YPEL3: variants seen among roughly 807,000 people sequenced by gnomAD.
YPEL3 encodes the protein protein yippee-like 3.
In YPEL3, 5 loss-of-function variants were observed where a neutral mutation model predicts 17.5. The ratio of observed to expected loss-of-function variants is 0.29; its 90% CI spans 0.15 to 0.60. YPEL3 has a LOEUF of 0.60. YPEL3 is among the 20% of genes least tolerant of loss of function. YPEL3 has a pLI of 0.87. For missense variants in YPEL3, 155 were observed against 211.4 expected, an observed-to-expected ratio of 0.73 and a Z score of 1.65; for synonymous variants, 87 against 87.2, an observed-to-expected ratio of 1.00 and a Z score of 0.01.
In YPEL3 at chr16:30,092,694, G is replaced by T; in HGVS notation, c.*16C>A. ...GCCAGGCCGGGCTGGAGCCACATGC[G>T]TCGGGGGAGCGGGGGTCAGTCCCAG... is the stretch of plus-strand genomic sequence containing the variant. On this transcript the variant is annotated 3_prime_UTR_variant, in exon 4 of 4. Transcript: ENST00000398841. 1 of 1,613,412 alleles carries T rather than the reference G, an allele frequency of 6.2e-7. No homozygotes were observed. Among genetic ancestry groups the T allele is most frequent in the Non-Finnish European group, 8.5e-7 (1 of 1,179,538 alleles).
chr16:30,094,917 T>C lies in YPEL3; in HGVS notation c.276-20A>G. 3.7e-6 allele frequency: 6 copies of C among 1,607,950 alleles called. No homozygotes were observed. The highest frequency in any genetic ancestry group is 5.1e-6 in the Non-Finnish European group (6 of 1,176,130). Reference sequence around the variant, plus strand: ...TTCACCCTGTGGGGACATGGGGTAGTCCCAGGGAGGGTCCTGCCATCACAG... The same window carrying C: ...TTCACCCTGTGGGGACATGGGGTAGCCCCAGGGAGGGTCCTGCCATCACAG... On this transcript the variant is annotated intron_variant, in intron 2 of 3. Coordinates refer to ENST00000398841, the MANE Select transcript of YPEL3 (RefSeq NM_031477.5).
Position 30,092,745 on chromosome 16 carries a change from G to C in YPEL3, c.439C>G (p.Leu147Val). Reference protein sequence around the residue: ...KYKEGKYIIELNHMIKDNGWD With the variant: ...KYKEGKYIIEVNHMIKDNGWD ...CCGTTGTCTTTGATCATGTGGTTGA[G>C]TTCAATGATGTACTTCCCCTCTTTG... The change falls in exon 4 of 4, where the codon CTC becomes GTC. Residue 147 changes from leucine (L) to valine (V), a missense_variant. By Grantham distance (32) the Leu-to-Val change is conservative (BLOSUM62 1). Coordinates refer to ENST00000398841, the MANE Select transcript of YPEL3 (RefSeq NM_031477.5). 6.2e-7 allele frequency: 1 copy of C among 1,614,210 alleles called. No individual in the cohort carries two copies. The highest frequency in any genetic ancestry group is 8.5e-7 in the Non-Finnish European group (1 of 1,180,014).
At position 30,092,680 on chromosome 16, in the gene YPEL3, C is replaced by CT; in HGVS notation, c.*29dup. On this transcript the variant is annotated 3_prime_UTR_variant, in exon 4 of 4. Coordinates refer to ENST00000398841, the MANE Select transcript of YPEL3 (RefSeq NM_031477.5). ...GGCGCTCCCTGGCGGCCAGGCCGGG[C>CT]TGGAGCCACATGCGTCGGGGGAGCG... 1.2e-6 allele frequency: 2 copies of CT among 1,611,892 alleles called. No homozygotes were observed. The highest frequency in any genetic ancestry group is 1.7e-6 in the Non-Finnish European group (2 of 1,178,524).
intron 3 of YPEL3, 135 bp downstream of exon 3, chr16:30,094,654 G>C (rs1034309911): frequency 2.4e-6 from 2 of 819,866 alleles, no homozygotes; most frequent in African/African-American, 3.4e-5. Flanking sequence ...AAGATAAAGA[G>C]AATGTGGTCA....
In YPEL3 at chr16:30,095,029, G is replaced by A; in HGVS notation, c.275+74C>T. 1.9e-6 allele frequency: 3 copies of A among 1,606,692 alleles called. No homozygotes were observed. The highest frequency in any genetic ancestry group is 2.2e-5 in the South Asian group (2 of 90,820). On this transcript the variant is annotated intron_variant, in intron 2 of 3. Transcript: ENST00000398841. This position sits in a 1 kb window ranked among gnomAD's most constrained non-coding sequence, Gnocchi z 5.4. ...CTGCCTGCACCGGGGAACTCTGGGA[G>A]TCTCAGCAGGATGCCAGGGGTCACA...
At chr16:30,094,531 A>T (rs2072772386) in intron 3 of YPEL3, 2 of 518,058 alleles carry the variant, frequency 3.9e-6, no homozygotes, top group Non-Finnish European at 7.0e-6. Flanking sequence ...CAAGGCACAT[A>T]AACATTCCAT....
chr16:30,093,952 A>C (rs1030266741), intron 3 of YPEL3: 2 of 152,352 alleles, frequency 1.3e-5, no homozygotes, highest in African/African-American at 4.8e-5. Flanking sequence ...CACACAGCCA[A>C]TCTGTGGCAG....
At chr16:30,093,589 T>C (rs1475430215) in intron 3 of YPEL3, among the ~76,000 whole-genome samples, 1 of 151,756 alleles carries the variant, frequency 6.6e-6, no homozygotes, top group African/African-American at 2.4e-5. Context: ...ACCTCTTGTT[T>C]AGGCCAGCTC....
rs1262436564 is a variant in YPEL3, at chr16:30,095,627, C to T, written c.-145G>A. 1 of 713,006 alleles carries T rather than the reference C, an allele frequency of 1.4e-6. No homozygotes were observed. The highest frequency in any genetic ancestry group is 1.8e-5 in the African/African-American group (1 of 56,172). 44.2% of individuals were successfully genotyped at this position (713,006 alleles called of 1,614,324 possible). ...GCCTCAGGTTGCATCCATGGGGAAA[C>T]TGAGGCTCGGAGGTGCCCAGGGTGA... On this transcript the variant is annotated 5_prime_UTR_variant, in exon 1 of 4. Coordinates refer to ENST00000398841, the MANE Select transcript of YPEL3 (RefSeq NM_031477.5). The surrounding 1 kb of genome is among the most constrained non-coding windows in gnomAD (Gnocchi z 5.4).
intron 3 of YPEL3, 38 bp from the exon 4 acceptor site, chr16:30,092,837 A>C (rs753990459): frequency 2.5e-6 from 4 of 1,585,440 alleles, no homozygotes; most frequent in Admixed American, 1.7e-5. Flanking sequence ...CCGGAGCAAC[A>C]GTCTCACCAC....
chr16:30,094,926 G>C lies in YPEL3; in HGVS notation c.276-29C>G, dbSNP rs187807194. 2.7e-3 allele frequency: 4,373 copies of C among 1,606,500 alleles called. 11 individuals carry two copies. The highest frequency in any genetic ancestry group is 3.1e-3 in the Non-Finnish European group (3,643 of 1,175,252). On this transcript the variant is annotated intron_variant, in intron 2 of 3. Transcript: ENST00000398841. ...TGGGGACATGGGGTAGTCCCAGGGA[G>C]GGTCCTGCCATCACAGGGCCCACCC...
Position 30,092,769 on chromosome 16 carries a change from T to G in YPEL3, c.415A>C (p.Lys139Gln), listed in dbSNP as rs2072747163. The change falls in exon 4 of 4, where the codon AAA (lysine) becomes CAA (glutamine). Residue 139 changes from lysine (K) to glutamine (Q), a missense_variant. This residue lies in a region of YPEL3 where 74 missense variants were observed against 134.9 expected (regional missense o/e 0.55). Transcript: ENST00000398841. ...EQAFESSQKY[K>Q]EGKYIIELNH... The stretch of plus-strand genomic sequence containing the variant: ...AGTTCAATGATGTACTTCCCCTCTT[T>G]GTACTTCTGGCTGCTCTCAAAGGCC... 1 of 1,614,036 alleles carries G rather than the reference T, an allele frequency of 6.2e-7. No individual in the cohort carries two copies. Among genetic ancestry groups the G allele is most frequent in the African/African-American group, 1.3e-5 (1 of 74,926 alleles).
rs1402635000 is a variant in YPEL3, at chr16:30,095,185, G to A, written c.232-39C>T. Reference sequence around the variant, plus strand: ...GGGTGGGAAGAGAGGAGGGGGTCAGGGCTGCCGGTGGGGAGCTGCCAGGCA... The same window carrying A: ...GGGTGGGAAGAGAGGAGGGGGTCAGAGCTGCCGGTGGGGAGCTGCCAGGCA... On this transcript the variant is annotated intron_variant, in intron 1 of 3. Coordinates refer to ENST00000398841, the MANE Select transcript of YPEL3 (RefSeq NM_031477.5). The surrounding 1 kb of genome is among the most constrained non-coding windows in gnomAD (Gnocchi z 5.4). 1.9e-6 allele frequency: 3 copies of A among 1,614,026 alleles called. No individual in the cohort carries two copies. The highest frequency in any genetic ancestry group is 1.3e-5 in the African/African-American group (1 of 74,932).
intron 3 of YPEL3, among the ~76,000 whole-genome samples, 193 bp from the exon 4 acceptor site, chr16:30,092,992 G>C (rs992264911): frequency 3.3e-5 from 5 of 152,186 alleles, no homozygotes; most frequent in Admixed American, 6.5e-5. Flanking sequence ...AAGTACTAAT[G>C]ATGGCTCCAA....
At position 30,093,195 on chromosome 16, in the gene YPEL3, C is replaced by T. The variant is rs560960066; in HGVS notation, c.385-396G>A. Reference sequence around the variant, plus strand: ...GCCCAGCCTGCCCCCAACTCCCAACCCTGCCAATCTATGCTACCCTTTACA... The same window carrying T: ...GCCCAGCCTGCCCCCAACTCCCAACTCTGCCAATCTATGCTACCCTTTACA... On this transcript the variant is annotated intron_variant, in intron 3 of 3. Transcript: ENST00000398841. Among the ~76,000 whole-genome samples the T allele has an allele frequency of 4.6e-5, 7 of 152,332 alleles. No homozygotes were observed. The East Asian group carries it at 1.2e-3, about 25-fold the overall frequency.
At chr16:30,093,262 TTTTG>T (rs1442563060) in intron 3 of YPEL3, among the ~76,000 whole-genome samples, 5 of 152,170 alleles carry the variant, frequency 3.3e-5, no homozygotes, top group African/African-American at 1.2e-4. Flanking sequence ...CTTGAGGTTT[TTTTG>T]TTTGTTTGGT....
At chr16:30,094,731 A>G (rs1294334539) in intron 3 of YPEL3, 58 bp downstream of exon 3, 1 of 1,479,674 alleles carries the variant, frequency 6.8e-7, no homozygotes, top group Non-Finnish European at 9.5e-7. Context: ...GCTTGTCAGG[A>G]GGAGGTGTTG....
Position 30,092,338 on chromosome 16 carries a change from T to A in YPEL3, c.*372A>T, listed in dbSNP as rs549009773. 9.0e-6 allele frequency: 2 copies of A among 221,814 alleles called. No homozygotes were observed. The highest frequency in any genetic ancestry group is 1.5e-4 in the South Asian group (2 of 12,972). The allele number at this position is 221,814 out of a possible 1,614,324, so 13.7% of individuals were successfully genotyped here. Reference sequence around the variant, plus strand: ...CTGTCTCCACTCCATTGTTTTATTATGTACAAACGCTACAGAACGAGGGGG... The same window carrying A: ...CTGTCTCCACTCCATTGTTTTATTAAGTACAAACGCTACAGAACGAGGGGG... On this transcript the variant is annotated 3_prime_UTR_variant, in exon 4 of 4. Coordinates refer to ENST00000398841, the MANE Select transcript of YPEL3 (RefSeq NM_031477.5).
Position 30,092,717 on chromosome 16 carries a change from C to T in YPEL3, c.467G>A (p.Trp156Ter). Residue 156 changes from tryptophan to a stop codon, truncating the protein, a stop_gained, in exon 4 of 4, where the codon TGG becomes TAG. Transcript: ENST00000398841. LOFTEE classifies it high-confidence loss of function. ...GCGTCGGGGGAGCGGGGGTCAGTCCCAGCCGTTGTCTTTGATCATGTGGTT... is the reference window on the plus strand; with the variant it reads ...GCGTCGGGGGAGCGGGGGTCAGTCCTAGCCGTTGTCTTTGATCATGTGGTT... The part of the protein sequence containing the change: ...ELNHMIKDNG[W>*]D The T allele has an allele frequency of 6.2e-7, 1 of 1,614,182 alleles. No homozygotes were observed. Among genetic ancestry groups the T allele is most frequent in the Non-Finnish European group, 8.5e-7 (1 of 1,180,024 alleles).
Sources: gnomAD v4.1 joint callset for allele counts (sites outside exome capture counted in the v4.1 genomes callset) on GRCh38, gnomAD v4.1.1 for gene constraint, gnomAD v4.1.1 regional missense constraint, Gnocchi (gnomAD v3.1) non-coding constraint, MANE v1.5 for transcripts, NCBI Gene and HGNC (gene_info 2026-07-23, HGNC 2026-07-21) for gene names.